Variants in KNG1 observed in about 807,000 individuals in gnomAD.
KNG1 encodes kininogen-1.
A neutral mutation model predicts 47.8 loss-of-function variants in KNG1; 23 were observed. That is an observed-to-expected ratio of 0.48 (90% CI 0.35 to 0.68). The LOEUF is 0.68. KNG1 is among the 30% of genes least tolerant of loss of function. The pLI is 0.01. For synonymous variants in KNG1, 277 were observed against 277.0 expected (o/e 1.00, Z 0.00); for missense variants, 762 against 790.2 (o/e 0.96, Z 0.43).
At chr3:186,725,338 T>C in intron 4 of KNG1, 78 bp downstream of exon 4, 1 of 1,395,194 alleles carries the variant, frequency 7.2e-7, no homozygotes. Context: ...TATGATTGCA[T>C]GGCTGGTGGT....
chr3:186,739,539 C>G, intron 9 of KNG1, 125 bp downstream of exon 9: 2 of 732,990 alleles, frequency 2.7e-6, no homozygotes, highest in Non-Finnish European at 5.0e-6. Context: ...TGGGGAGTAA[C>G]TCTCACACTT....
rs763311533 is a variant in KNG1, at chr3:186,739,158, G to A, written c.990G>A (p.Lys330=). ...DFVARETTCS[K]ESNEELTESC... is the part of the protein sequence containing the mutation. ...TGGCCAGGGAAACCACATGTTCCAA[G>A]GAAAGTAATGAAGAGTTGACCGAAA... is the stretch of plus-strand genomic sequence containing the variant. Residue 330 remains lysine (K), a synonymous_variant, in exon 8 of 10, where the codon AAG becomes AAA. Transcript: ENST00000644859. 8 of 1,614,076 alleles carry A rather than the reference G, an allele frequency of 5.0e-6. No individual in the cohort carries two copies. In the African/African-American group the frequency reaches 9.3e-5, roughly 19 times the overall value.
At chr3:186,737,113 G>A (rs1014747372) in intron 7 of KNG1, among the ~76,000 whole-genome samples, 3 of 152,212 alleles carry the variant, frequency 2.0e-5, no homozygotes, top group African/African-American at 7.2e-5. Flanking sequence ...CAGTGACTGA[G>A]GCTGCTTGAT....
intron 5 of KNG1, among the ~76,000 whole-genome samples, chr3:186,730,757 CATATATATAT>C (rs571275452): frequency 7.4e-6 from 1 of 135,122 alleles, no homozygotes; most frequent in Non-Finnish European, 1.6e-5. Flanking sequence ...TATATATACA[CATATATATAT>C]ACACACACAC....
chr3:186,743,567 A>G lies in KNG1; in HGVS notation c.*1236A>G, dbSNP rs1208099139. 1 of 691,092 alleles carries G rather than the reference A, an allele frequency of 1.4e-6. No homozygotes were observed. The highest frequency in any genetic ancestry group is 2.6e-6 in the Non-Finnish European group (1 of 386,524). 42.8% of individuals were successfully genotyped at this position (691,092 alleles called of 1,614,324 possible). A position where few individuals can be genotyped will look rare whatever the true frequency, so the allele number is the denominator to read the frequency against. ...ATTTGAACCTCTGAGTTTGTCTTTCATTTTAAATATTGTCTGTTCTTTTAA... is the reference window on the plus strand; with the variant it reads ...ATTTGAACCTCTGAGTTTGTCTTTCGTTTTAAATATTGTCTGTTCTTTTAA... On this transcript the variant is annotated 3_prime_UTR_variant, in exon 10 of 10. Coordinates refer to ENST00000644859, the MANE Select transcript of KNG1 (RefSeq NM_001102416.3).
intron 7 of KNG1, chr3:186,738,436 A>C (rs1258719720): frequency 1.3e-5 from 2 of 152,282 alleles, no homozygotes; most frequent in African/African-American, 2.4e-5. Flanking sequence ...ATTTAAAAAC[A>C]TTTTAAGTTT....
At chr3:186,720,852 C>A (rs544507389) in intron 2 of KNG1, among the ~76,000 whole-genome samples, 1 of 129,302 alleles carries the variant, frequency 7.7e-6, no homozygotes, top group Admixed American at 9.0e-5. Flanking sequence ...TGCAGTGGCG[C>A]GATCTCGGCT....
Position 186,741,738 on chromosome 3 carries a change from G to A in KNG1, c.1342G>A (p.Glu448Lys), listed in dbSNP as rs1270401462. 4 of 1,614,084 alleles carry A rather than the reference G, an allele frequency of 2.5e-6. No homozygotes were observed. The highest frequency in any genetic ancestry group is 2.2e-5 in the East Asian group (1 of 44,896). ...TAATCTTGGCCATGGCCATAAACAT[G>A]AACGTGACCAAGGGCATGGGCACCA... ...KHNLGHGHKHERDQGHGHQRG... is the reference protein window; with the variant it reads ...KHNLGHGHKHKRDQGHGHQRG... The change falls in exon 10 of 10, where the codon GAA becomes AAA. Residue 448 changes from glutamate (E) to lysine (K), a missense_variant. Coordinates refer to ENST00000644859, the MANE Select transcript of KNG1 (RefSeq NM_001102416.3).
rs753314679 is a variant in KNG1 at position 186,739,211 on chromosome 3, G to C, written c.1038+5G>C. On this transcript the variant is annotated splice_donor_5th_base_variant and intron_variant, in intron 8 of 9. Coordinates refer to ENST00000644859, the MANE Select transcript of KNG1 (RefSeq NM_001102416.3). Reference sequence around the variant, plus strand: ...TGTGAGACCAAAAAACTTGGCGTGAGTAGTCATGCACCTGTCTACTTTTTC... The same window carrying C: ...TGTGAGACCAAAAAACTTGGCGTGACTAGTCATGCACCTGTCTACTTTTTC... 6.2e-7 allele frequency: 1 copy of C among 1,609,314 alleles called. No homozygotes were observed. The highest frequency in any genetic ancestry group is 1.7e-5 in the Admixed American group (1 of 60,010).
At chr3:186,737,131 C>T (rs1191628936) in intron 7 of KNG1, among the ~76,000 whole-genome samples, 1 of 152,244 alleles carries the variant, frequency 6.6e-6, no homozygotes, top group Non-Finnish European at 1.5e-5. Flanking sequence ...GATTCCTATG[C>T]CTGGCCAATG....
intron 7 of KNG1, among the ~76,000 whole-genome samples, chr3:186,737,982 T>C (rs1448831832): frequency 1.3e-5 from 2 of 149,606 alleles, no homozygotes; most frequent in Non-Finnish European, 3.0e-5. Context: ...AAAATAATTT[T>C]TTTTTCTTTT....
Position 186,742,313 on chromosome 3 carries a change from C to T in KNG1, c.1917C>T (p.Leu639=), listed in dbSNP as rs2108638707. 1.9e-6 allele frequency: 3 copies of T among 1,613,980 alleles called. No individual in the cohort carries two copies. In the East Asian group the frequency reaches 6.7e-5, roughly 36 times the overall value. ...TQMKESYYFD[L]TDGLS ...TGAAAGAATCTTATTATTTCGATCT[C>T]ACTGATGGCCTTTCTTAATTTAAGT... Residue 639 remains leucine, a synonymous_variant, in exon 10 of 10, where the codon CTC becomes CTT. Coordinates refer to ENST00000644859, the MANE Select transcript of KNG1 (RefSeq NM_001102416.3).
chr3:186,717,732 A>C lies in KNG1; in HGVS notation c.190A>C (p.Lys64Gln), dbSNP rs749672128. ...FVLYRITEAT[K>Q]TVGSDTFYSF... ...ATTGTACCGCATAACTGAAGCCACT[A>C]AGACGGTGAGTGAATTGTGTTTAAC... Residue 64 changes from lysine to glutamine, a missense_variant, in exon 1 of 10, where the codon AAG (lysine) becomes CAG (glutamine). Physicochemically the swap from Lys to Gln is moderately conservative, Grantham distance 53. Coordinates refer to ENST00000644859, the MANE Select transcript of KNG1 (RefSeq NM_001102416.3). 6.2e-6 allele frequency: 10 copies of C among 1,611,440 alleles called. No individual in the cohort carries two copies. Among genetic ancestry groups the C allele is most frequent in the African/African-American group, 1.3e-5 (1 of 74,828 alleles).
chr3:186,720,046 A>T, intron 1 of KNG1, 59 bp from the exon 2 acceptor site: 1 of 1,036,112 alleles, frequency 9.7e-7, no homozygotes, highest in Non-Finnish European at 1.5e-6. Context: ...GGAACCCACT[A>T]GAATTATTTG....
In KNG1 at chr3:186,717,463, A is replaced by G; in HGVS notation, c.-80A>G. The stretch of plus-strand genomic sequence containing the variant: ...GGACAGAAGAAACAAGAGGCTGGAG[A>G]TTGTCAAATTCAGTATCCCAGTTGG... On this transcript the variant is annotated 5_prime_UTR_variant, in exon 1 of 10. Coordinates refer to ENST00000644859, the MANE Select transcript of KNG1 (RefSeq NM_001102416.3). 2.8e-6 allele frequency: 3 copies of G among 1,056,516 alleles called. No individual in the cohort carries two copies. The East Asian group carries it at 7.1e-5, about 25-fold the overall frequency. The allele number at this position is 1,056,516 out of a possible 1,614,324, so 65.4% of individuals were successfully genotyped here. A position where few individuals can be genotyped will look rare whatever the true frequency, so the allele number is the denominator to read the frequency against.
chr3:186,735,966 T>C (rs1720662480), intron 7 of KNG1: 1 of 152,200 alleles, frequency 6.6e-6, no homozygotes, highest in African/African-American at 2.4e-5. Flanking sequence ...TTCTGAATGT[T>C]GTAGGAATAG....
Position 186,741,990 on chromosome 3 carries a change from A to G in KNG1, c.1594A>G (p.Thr532Ala). Residue 532 changes from threonine (T) to alanine (A), a missense_variant, in exon 10 of 10, where the codon ACT becomes GCT. By Grantham distance (58) the Thr-to-Ala change is moderately conservative. Coordinates refer to ENST00000644859, the MANE Select transcript of KNG1 (RefSeq NM_001102416.3). Reference protein sequence around the residue: ...EHLASSSEDSTTPSAQTQEKT... With the variant: ...EHLASSSEDSATPSAQTQEKT... ...TTTGGCAAGCTCTTCTGAAGACAGT[A>G]CTACACCTTCTGCACAGACACAAGA... The G allele has an allele frequency of 6.2e-7, 1 of 1,614,218 alleles. No homozygotes were observed.
At position 186,741,758 on chromosome 3, in the gene KNG1, G is replaced by A; in HGVS notation, c.1362G>A (p.Gly454=). Residue 454 remains glycine, a synonymous_variant, in exon 10 of 10, where the codon GGG becomes GGA. Transcript: ENST00000644859. ...AACATGAACGTGACCAAGGGCATGG[G>A]CACCAAAGAGGACATGGCCTTGGCC... is the stretch of plus-strand genomic sequence containing the variant. ...GHKHERDQGH[G]HQRGHGLGHG... 6.2e-7 allele frequency: 1 copy of A among 1,614,178 alleles called. No homozygotes were observed. Among genetic ancestry groups the A allele is most frequent in the South Asian group, 1.1e-5 (1 of 91,070 alleles).
At chr3:186,725,390 T>TA in intron 4 of KNG1, 130 bp downstream of exon 4, 1 of 876,566 alleles carries the variant, frequency 1.1e-6, no homozygotes, top group Non-Finnish European at 1.9e-6. Flanking sequence ...GCTTTCTCCT[T>TA]AGTCAAAGTG....
Sources: allele counts gnomAD v4.1 joint callset (sites outside exome capture counted in the v4.1 genomes callset), GRCh38; gene constraint gnomAD v4.1.1; transcripts MANE v1.5; gene names NCBI Gene and HGNC (gene_info 2026-07-23, HGNC 2026-07-21).